The following EPN3 variants were observed in gnomAD, a reference collection of about 807,000 sequenced individuals.
EPN3 encodes epsin-3.
Under a neutral mutation model 55.5 loss-of-function variants are expected in EPN3, and 56 were observed. The observed-to-expected ratio is 1.01, with a 90% CI of 0.81 to 1.26. The LOEUF is 1.26. Among genes scored for constraint, EPN3 ranks in the 50% most tolerant of loss-of-function variants. The pLI is 0.00. For synonymous variants in EPN3, 449 were observed against 375.2 expected (o/e 1.20, Z -2.27); for missense variants, 927 against 853.4 (o/e 1.09, Z -1.07).
intron 5 of EPN3, among the ~76,000 whole-genome samples, chr17:50,539,997 T>G (rs879796659): frequency 2.6e-5 from 4 of 152,226 alleles, no homozygotes; most frequent in Non-Finnish European, 4.4e-5. Flanking sequence ...CTCTGTGCGC[T>G]GGCTGGCTCA....
chr17:50,539,126 C>T, intron 4 of EPN3, 61 bp from the exon 5 acceptor site: 2 of 1,602,780 alleles, frequency 1.2e-6, no homozygotes, highest in Non-Finnish European at 1.7e-6. Context: ...CTCTGGTGCA[C>T]AGGTCCCCGG....
In EPN3 at chr17:50,541,077, A is replaced by G. The variant is rs138118637; in HGVS notation, c.1249+15A>G. On this transcript the variant is annotated intron_variant, in intron 7 of 9. Transcript: ENST00000268933. ...CGACACACCTGGTAAGAAGAGGGCC[A>G]GAGAGTGTGAGTGAGGAGCTGGGGG... 7.9e-5 allele frequency: 124 copies of G among 1,570,914 alleles called. 1 individual carries two copies. Among genetic ancestry groups the G allele is most frequent in the African/African-American group, 6.1e-4 (45 of 74,356 alleles).
intron 6 of EPN3, 107 bp downstream of exon 6, chr17:50,540,441 G>T: frequency 9.5e-7 from 1 of 1,048,944 alleles, no homozygotes; most frequent in South Asian, 1.5e-5. Flanking sequence ...GTGTCACCGG[G>T]CAAGTCACTC....
intron 5 of EPN3, 86 bp downstream of exon 5, chr17:50,539,401 G>C: frequency 6.3e-7 from 1 of 1,576,012 alleles, no homozygotes; most frequent in Non-Finnish European, 8.6e-7. Context: ...GCAGTGCCTG[G>C]CATATAGTAA....
chr17:50,541,385 G>A (rs988882061), intron 8 of EPN3, 52 bp downstream of exon 8: 5 of 1,606,214 alleles, frequency 3.1e-6, no homozygotes, highest in Non-Finnish European at 4.2e-6. Flanking sequence ...GGCCCACCCC[G>A]AGCAGCCTCT....
In EPN3 at chr17:50,541,070, G is replaced by A. The variant is rs1356375239; in HGVS notation, c.1249+8G>A. ...AGACCTCCGACACACCTGGTAAGAAGAGGGCCAGAGAGTGTGAGTGAGGAG... is the reference window on the plus strand; with the variant it reads ...AGACCTCCGACACACCTGGTAAGAAAAGGGCCAGAGAGTGTGAGTGAGGAG... On this transcript the variant is annotated splice_region_variant and intron_variant, in intron 7 of 9. Coordinates refer to ENST00000268933, the MANE Select transcript of EPN3 (RefSeq NM_017957.3). 1 of 1,568,090 alleles carries A rather than the reference G, an allele frequency of 6.4e-7. No individual in the cohort carries two copies. The highest frequency in any genetic ancestry group is 1.2e-5 in the South Asian group (1 of 85,390).
chr17:50,532,932 T>C lies in EPN3; in HGVS notation c.-190T>C, dbSNP rs758603799. 1.9e-5 allele frequency: 25 copies of C among 1,285,184 alleles called. No individual in the cohort carries two copies. In the South Asian group the frequency reaches 3.0e-4, roughly 15 times the overall value. 79.6% of individuals were successfully genotyped at this position (1,285,184 alleles called of 1,614,324 possible). On this transcript the variant is annotated 5_prime_UTR_variant, in exon 1 of 10. Coordinates refer to ENST00000268933, the MANE Select transcript of EPN3 (RefSeq NM_017957.3). The stretch of plus-strand genomic sequence containing the variant: ...TCCCGCTGCTGCACAGGTCGGAGGG[T>C]CACCGCAGAGGCTACTCGGGCTGGG...
intron 5 of EPN3, 53 bp from the exon 6 acceptor site, chr17:50,540,194 C>A: frequency 6.9e-7 from 1 of 1,453,870 alleles, no homozygotes; most frequent in Non-Finnish European, 9.6e-7. Context: ...AGGGCCTGCC[C>A]TCCCTCCAGG....
chr17:50,540,659 T>C, intron 6 of EPN3, 134 bp from the exon 7 acceptor site: 1 of 1,218,530 alleles, frequency 8.2e-7, no homozygotes, highest in South Asian at 1.5e-5. Flanking sequence ...TCCAGCCTGC[T>C]GGGTGGTCCT....
At chr17:50,538,779 G>A (rs1327201513) in intron 3 of EPN3, 105 bp from the exon 4 acceptor site, 1 of 785,710 alleles carries the variant, frequency 1.3e-6, no homozygotes, top group Non-Finnish European at 2.0e-6. Flanking sequence ...CACACTGAGG[G>A]TGGGCATTAG....
At chr17:50,534,929 T>C (rs1179403795) in intron 1 of EPN3, among the ~76,000 whole-genome samples, 2 of 152,122 alleles carry the variant, frequency 1.3e-5, no homozygotes, top group Non-Finnish European at 2.9e-5. Flanking sequence ...TGGGGGACAG[T>C]TCACGGGTGA....
chr17:50,540,138 C>A (rs1597863198), intron 5 of EPN3, 109 bp from the exon 6 acceptor site: 3 of 771,962 alleles, frequency 3.9e-6, no homozygotes, highest in Non-Finnish European at 6.6e-6. Flanking sequence ...GAATAGGTAT[C>A]TGTGGAATGA....
At position 50,540,786 on chromosome 17, in the gene EPN3, A is replaced by G. The variant is rs758066303; in HGVS notation, c.980-7A>G. ...CTGGGATCATGTCTATGCTGTTCCC[A>G]TTTCAGGTTTTAGGCCGAACACAGA... On this transcript the variant is annotated splice_region_variant and splice_polypyrimidine_tract_variant and intron_variant, in intron 6 of 9. Coordinates refer to ENST00000268933, the MANE Select transcript of EPN3 (RefSeq NM_017957.3). The G allele has an allele frequency of 1.9e-6, 3 of 1,603,074 alleles. No individual in the cohort carries two copies. Among genetic ancestry groups the G allele is most frequent in the Non-Finnish European group, 2.6e-6 (3 of 1,172,766 alleles).
intron 2 of EPN3, chr17:50,537,844 G>T: frequency 2.1e-6 from 1 of 482,804 alleles, no homozygotes; most frequent in East Asian, 3.5e-5. Context: ...CCTGGTCAGG[G>T]GCCCTAAGTG....
At chr17:50,534,564 G>T in intron 1 of EPN3, 1 of 985,492 alleles carries the variant, frequency 1.0e-6, no homozygotes, top group African/African-American at 1.7e-5. Context: ...CACTAGCAAG[G>T]GGGAGGGCAG....
In EPN3 at chr17:50,539,266, A is replaced by C; in HGVS notation, c.842A>C (p.Glu281Ala). ...GTGGTCCACCATCAGCGGGACAGAGAGCCTGAGAGAGAAGAGAGAAAGGAG... is the reference window on the plus strand; with the variant it reads ...GTGGTCCACCATCAGCGGGACAGAGCGCCTGAGAGAGAAGAGAGAAAGGAG... ...GAVVHHQRDR[E>A]PEREERKEEE... Residue 281 changes from glutamate to alanine, a missense_variant, in exon 5 of 10, where the codon GAG (glutamate) becomes GCG (alanine). Transcript: ENST00000268933. 6.2e-7 allele frequency: 1 copy of C among 1,614,140 alleles called. No homozygotes were observed. The highest frequency in any genetic ancestry group is 8.5e-7 in the Non-Finnish European group (1 of 1,180,018).
In EPN3 at chr17:50,543,302, G is replaced by C. The variant is rs532022591; in HGVS notation, c.*1145G>C. On this transcript the variant is annotated 3_prime_UTR_variant, in exon 10 of 10. Coordinates refer to ENST00000268933, the MANE Select transcript of EPN3 (RefSeq NM_017957.3). ...AGTCTTAGCCACACAGGAGGAATCG[G>C]ACCCCTTCTGGGGGTTTATGTGGAG... 6.6e-6 allele frequency: 1 copy of C among 152,396 alleles called. No homozygotes were observed. Among genetic ancestry groups the C allele is most frequent in the Non-Finnish European group, 1.5e-5 (1 of 68,068 alleles). 9.4% of individuals were successfully genotyped at this position (152,396 alleles called of 1,614,324 possible). A position where few individuals can be genotyped will look rare whatever the true frequency, so the allele number is the denominator to read the frequency against.
rs1412127983 is a variant in EPN3 at position 50,532,771 on chromosome 17, C to T, written c.-351C>T. The T allele has an allele frequency of 2.8e-5, 20 of 715,376 alleles. No individual in the cohort carries two copies. Among genetic ancestry groups the T allele is most frequent in the Non-Finnish European group, 3.6e-5 (18 of 497,986 alleles). The allele number at this position is 715,376 out of a possible 1,614,324, so 44.3% of individuals were successfully genotyped here. ...TGGCGCTGGCTAGGAGGCAAACGCA[C>T]GCGGGAAGAGCTGCTACCCATTCCA... On this transcript the variant is annotated 5_prime_UTR_variant, in exon 1 of 10. In the 5' UTR this introduces an upstream ATG that the reference lacks. Transcript: ENST00000268933.
At chr17:50,534,589 G>T in intron 1 of EPN3, 1 of 985,490 alleles carries the variant, frequency 1.0e-6, no homozygotes, top group Non-Finnish European at 1.2e-6. Context: ...TAAACAAGTT[G>T]TGGCCGTGGC....
Sources: gnomAD v4.1 joint callset for allele counts (sites outside exome capture counted in the v4.1 genomes callset) on GRCh38, gnomAD v4.1.1 for gene constraint, MANE v1.5 for transcripts, NCBI Gene and HGNC (gene_info 2026-07-23, HGNC 2026-07-21) for gene names.